Variants in TRAPPC2 observed in about 807,000 individuals in gnomAD.
TRAPPC2 encodes the protein sedlin.
In TRAPPC2, 4 loss-of-function variants were observed where a neutral mutation model predicts 10.0. That is an observed-to-expected ratio of 0.40 (90% confidence interval 0.20 to 0.92). TRAPPC2 has a LOEUF of 0.92. Ranked by LOEUF, TRAPPC2 falls within the 40% of genes least tolerant of loss-of-function variation. The pLI is 0.35. For synonymous variants in TRAPPC2, 36 were observed against 37.3 expected, an observed-to-expected ratio of 0.97 and a Z score of 0.12; for missense variants, 52 against 108.7, an observed-to-expected ratio of 0.48 and a Z score of 2.32.
At chrX:13,717,901 G>A (rs1222486979) in intron 3 of TRAPPC2, among the ~76,000 whole-genome samples, 1 of 112,043 alleles carries the variant, frequency 8.9e-6, no homozygotes, top group Non-Finnish European at 1.9e-5. Context: ...GGTCACACTG[G>A]AGTAGGGTGG....
chrX:13,716,331 GTA>G, intron 4 of TRAPPC2: 2 of 561,595 alleles, frequency 3.6e-6, no homozygotes, highest in Non-Finnish European at 5.7e-6. Flanking sequence ...CTCTTTTTGT[GTA>G]TGAGACTTAG....
At chrX:13,715,973 C>G in intron 5 of TRAPPC2, 31 bp downstream of exon 5, 1 of 1,161,709 alleles carries the variant, frequency 8.6e-7, no homozygotes, top group African/African-American at 1.8e-5. Context: ...CCTTTCTCAT[C>G]AGAATTTAAA....
intron 2 of TRAPPC2, among the ~76,000 whole-genome samples, chrX:13,723,637 G>A (rs1040412379): frequency 4.5e-5 from 5 of 111,719 alleles, no homozygotes; most frequent in South Asian, 3.7e-4. Flanking sequence ...TTTTCCCATC[G>A]CCTTAAATAG....
chrX:13,733,918 T>C (rs1459647617), intron 2 of TRAPPC2, 126 bp downstream of exon 2: 1 of 465,545 alleles, frequency 2.1e-6, no homozygotes, highest in Non-Finnish European at 3.9e-6. Flanking sequence ...TTAAACTCTT[T>C]ATCCAGTCTA....
intron 2 of TRAPPC2, among the ~76,000 whole-genome samples, chrX:13,729,573 C>A (rs2046628491): frequency 8.9e-6 from 1 of 112,118 alleles, no homozygotes; most frequent in African/African-American, 3.2e-5. Flanking sequence ...TGGATCCCTT[C>A]CTTACACCTT....
intron 3 of TRAPPC2, among the ~76,000 whole-genome samples, chrX:13,719,582 A>G (rs1275499333): frequency 8.9e-6 from 1 of 112,240 alleles, no homozygotes; most frequent in Non-Finnish European, 1.9e-5. Flanking sequence ...GCGGCAATCC[A>G]CTACAGGTGA....
At chrX:13,715,929 C>CTTCA (rs2046277108) in intron 5 of TRAPPC2, 75 bp downstream of exon 5, 2 of 1,106,289 alleles carry the variant, frequency 1.8e-6, no homozygotes, top group Non-Finnish European at 2.4e-6. Context: ...AAGGGAGTTA[C>CTTCA]TTCAATAGGC....
chrX:13,728,928 A>G (rs953344159), intron 2 of TRAPPC2, among the ~76,000 whole-genome samples: 10 of 112,067 alleles, frequency 8.9e-5, no homozygotes, highest in Non-Finnish European at 1.7e-4. Flanking sequence ...TCAATATGCA[A>G]AAATCACAAG....
At chrX:13,733,292 C>T (rs2046719857) in intron 2 of TRAPPC2, among the ~76,000 whole-genome samples, 1 of 111,699 alleles carries the variant, frequency 9.0e-6, no homozygotes, top group Admixed American at 9.5e-5. Flanking sequence ...TCAAGATTCC[C>T]ACATTGCTCC....
rs2046242444 is a variant in TRAPPC2, at chrX:13,713,468, AAAAC to A, written c.*935_*938del. 2 of 107,194 alleles carry A rather than the reference AAAAC, an allele frequency of 1.9e-5. No homozygotes were observed. The highest frequency in any genetic ancestry group is 3.9e-5 in the Non-Finnish European group (2 of 51,893). The allele number at this position is 107,194 out of a possible 1,213,427, so 8.8% of individuals were successfully genotyped here. A position where few individuals can be genotyped will look rare whatever the true frequency, so the allele number is the denominator to read the frequency against. ...TCCATCTCAAAAAAACAAAAAACAA[AAAAC>A]AAAAACAAAAACCCACAAAAAACCA... On this transcript the variant is annotated 3_prime_UTR_variant, in exon 6 of 6. Coordinates refer to ENST00000380579, the MANE Select transcript of TRAPPC2 (RefSeq NM_001011658.4).
intron 2 of TRAPPC2, among the ~76,000 whole-genome samples, chrX:13,727,955 G>A (rs900579862): frequency 6.3e-5 from 7 of 111,992 alleles, no homozygotes; most frequent in Non-Finnish European, 1.1e-4. Flanking sequence ...ACTACCATCA[G>A]AGAATACTAT....
chrX:13,721,568 C>T (rs992817155), intron 2 of TRAPPC2: 3 of 111,976 alleles, frequency 2.7e-5, no homozygotes, highest in African/African-American at 9.7e-5. Context: ...CTTAGCAAGC[C>T]TCATTGGGCC....
chrX:13,721,254 C>T, intron 2 of TRAPPC2: 1 of 111,930 alleles, frequency 8.9e-6, no homozygotes, highest in Non-Finnish European at 1.9e-5. Flanking sequence ...TACTTACTGG[C>T]AGTGTGACCA....
intron 2 of TRAPPC2, among the ~76,000 whole-genome samples, chrX:13,729,734 C>T (rs942636770): frequency 5.4e-5 from 6 of 111,013 alleles, no homozygotes; most frequent in Non-Finnish European, 1.1e-4. Flanking sequence ...CATGGAGAAA[C>T]CCCGTCTCTA....
chrX:13,726,787 C>A (rs1452054592), intron 2 of TRAPPC2, among the ~76,000 whole-genome samples: 1 of 111,543 alleles, frequency 9.0e-6, no homozygotes, highest in Non-Finnish European at 1.9e-5. Context: ...GGACTAAATG[C>A]TCCAATTAAA....
rs374802715 is a variant in TRAPPC2 at position 13,722,454 on chromosome X, T to G, written c.-19-2472A>C. The stretch of plus-strand genomic sequence containing the variant: ...TGAGACAGAGCTTTCTTTATATACA[T>G]TCCATGCTTGACTTCAGCTGCCAAT... On this transcript the variant is annotated intron_variant, in intron 2 of 5. Transcript: ENST00000380579. Among the ~76,000 whole-genome samples the G allele has an allele frequency of 2.3e-4, 26 of 110,996 alleles. No individual in the cohort carries two copies. In the East Asian group the frequency reaches 3.1e-3, roughly 13 times the overall value.
intron 2 of TRAPPC2, among the ~76,000 whole-genome samples, chrX:13,731,495 A>T (rs975361906): frequency 8.9e-6 from 1 of 112,454 alleles, no homozygotes; most frequent in African/African-American, 3.2e-5. Context: ...AGGTAAACAG[A>T]AAGTCATTTT....
chrX:13,725,746 C>T lies in TRAPPC2; in HGVS notation c.-19-5764G>A, dbSNP rs757592398. Among the ~76,000 whole-genome samples, 5 of 112,230 alleles carry T rather than the reference C, an allele frequency of 4.5e-5. No homozygotes were observed. In the East Asian group the frequency reaches 8.4e-4, roughly 19 times the overall value. Reference sequence around the variant, plus strand: ...TCGCCAGCAATGGAACAAAGCTGGACGGAGAATGACTTTGATGAGTTGACA... The same window carrying T: ...TCGCCAGCAATGGAACAAAGCTGGATGGAGAATGACTTTGATGAGTTGACA... On this transcript the variant is annotated intron_variant, in intron 2 of 5. Transcript: ENST00000380579.
intron 2 of TRAPPC2, among the ~76,000 whole-genome samples, chrX:13,724,048 TGAAG>T (rs1256225756): frequency 9.0e-6 from 1 of 110,517 alleles, no homozygotes; most frequent in African/African-American, 3.3e-5. Flanking sequence ...GCTTTGAAAA[TGAAG>T]GAAGGGGCCA....
Sources: allele counts gnomAD v4.1 joint callset (sites outside exome capture counted in the v4.1 genomes callset), GRCh38; gene constraint gnomAD v4.1.1; transcripts MANE v1.5; gene names NCBI Gene and HGNC (gene_info 2026-07-23, HGNC 2026-07-21).